The following ATP8B3 variants were observed in gnomAD, a reference collection of about 807,000 sequenced individuals.
ATP8B3 encodes the protein ATPase phospholipid transporting 8B3, also known as phospholipid-transporting ATPase IK.
ATP8B3 carries 141 observed loss-of-function variants against 140.9 expected under a neutral mutation model. That is an observed-to-expected ratio of 1.00 (90% CI 0.87 to 1.15). The LOEUF (loss-of-function observed/expected upper bound fraction) is 1.15, where lower values mean the gene tolerates loss of function less well. ATP8B3 is among the 50% of genes most tolerant of loss of function. The pLI is 0.00. For missense variants in ATP8B3, 1,874 were observed against 1,740.6 expected (o/e 1.08, Z -1.36); for synonymous variants, 765 against 714.6 (o/e 1.07, Z -1.13).
chr19:1,797,827 T>C (rs558686327), intron 14 of ATP8B3, among the ~76,000 whole-genome samples: 14 of 152,004 alleles, frequency 9.2e-5, no homozygotes, highest in African/African-American at 3.4e-4. Context: ...TTCTTAGAAA[T>C]GGGGTCCTAC....
chr19:1,784,976 C>A, intron 27 of ATP8B3, 30 bp from the exon 28 acceptor site: 2 of 1,588,524 alleles, frequency 1.3e-6, no homozygotes, highest in South Asian at 2.3e-5. Flanking sequence ...ACAGCAGAGC[C>A]TACCCCCAGC....
intron 3 of ATP8B3, 66 bp from the exon 4 acceptor site, chr19:1,809,800 C>G: frequency 6.9e-7 from 1 of 1,441,384 alleles, no homozygotes; most frequent in Non-Finnish European, 9.5e-7. Flanking sequence ...AATGACCGCC[C>G]GGAGGAGGGC....
rs1382058978 is a variant in ATP8B3, at chr19:1,807,471, G to A, written c.517-205C>T. On this transcript the variant is annotated intron_variant, in intron 5 of 28. Transcript: ENST00000310127. The surrounding 1 kb of genome is among the most constrained non-coding windows in gnomAD (Gnocchi z 5.9). ...CACCTGCCTGGAACTTCTCCCACAC[G>A]CCTCGTCTCCCCAGCAAACTCCCCT... Among the ~76,000 whole-genome samples, 1 of 151,960 alleles carries A rather than the reference G, an allele frequency of 6.6e-6. No individual in the cohort carries two copies. Among genetic ancestry groups the A allele is most frequent in the Non-Finnish European group, 1.5e-5 (1 of 67,986 alleles).
At chr19:1,788,580 G>A (rs1197072768) in intron 24 of ATP8B3, among the ~76,000 whole-genome samples, 4 of 152,182 alleles carry the variant, frequency 2.6e-5, no homozygotes, top group Non-Finnish European at 4.4e-5. Context: ...AACCCGGGAG[G>A]CGGAGGCTGC....
chr19:1,806,616 C>T lies in ATP8B3; in HGVS notation c.677+12G>A. On this transcript the variant is annotated intron_variant, in intron 7 of 28. Coordinates refer to ENST00000310127, the MANE Select transcript of ATP8B3 (RefSeq NM_138813.4). This position sits in a 1 kb window ranked among gnomAD's most constrained non-coding sequence, Gnocchi z 5.6. ...TGTCCCCGCGGATCCCCAGCTGCAG[C>T]CCCAGCCTCACCTCTTCCCCATCAG... 1.9e-6 allele frequency: 3 copies of T among 1,554,568 alleles called. No individual in the cohort carries two copies. Among genetic ancestry groups the T allele is most frequent in the Non-Finnish European group, 2.6e-6 (3 of 1,149,186 alleles).
chr19:1,800,291 G>A lies in ATP8B3; in HGVS notation c.1311C>T (p.Leu437=). The A allele has an allele frequency of 6.2e-7, 1 of 1,612,726 alleles. No individual in the cohort carries two copies. Among genetic ancestry groups the A allele is most frequent in the Non-Finnish European group, 8.5e-7 (1 of 1,179,814 alleles). ...ACATGGACATCGGGATGGTGACGCTGAGCAGGATGAGGAAGCTCCAGAAGA... is the reference window on the plus strand; with the variant it reads ...ACATGGACATCGGGATGGTGACGCTAAGCAGGATGAGGAAGCTCCAGAAGA... ...FFVFWSFLIL[L]SVTIPMSMFI... is the part of the protein sequence containing the mutation. Residue 437 remains leucine, a synonymous_variant, in exon 13 of 29, where the codon CTC becomes CTT. Coordinates refer to ENST00000310127, the MANE Select transcript of ATP8B3 (RefSeq NM_138813.4). The surrounding 1 kb of genome is among the most constrained non-coding windows in gnomAD (Gnocchi z 4.4).
Position 1,802,491 on chromosome 19 carries a change from A to G in ATP8B3, c.1059T>C (p.Tyr353=), listed in dbSNP as rs1433038856. 7.1e-7 allele frequency: 1 copy of G among 1,411,810 alleles called. No individual in the cohort carries two copies. The highest frequency in any genetic ancestry group is 1.7e-5 in the African/African-American group (1 of 58,426). The allele number at this position is 1,411,810 out of a possible 1,614,324, so 87.5% of individuals were successfully genotyped here. A position where few individuals can be genotyped will look rare whatever the true frequency, so the allele number is the denominator to read the frequency against. ...AGGACCCTGGAGCAGCCGTACCAGC[A>G]TAAATGACCAGTCCATAGCAGGTGT... ...NTDTCYGLVI[Y]AGFDTKIMKN... Residue 353 remains tyrosine, a synonymous_variant, in exon 11 of 29, where the codon TAT becomes TAC. Coordinates refer to ENST00000310127, the MANE Select transcript of ATP8B3 (RefSeq NM_138813.4).
chr19:1,809,030 C>T (rs557989339), intron 4 of ATP8B3, among the ~76,000 whole-genome samples: 7 of 151,388 alleles, frequency 4.6e-5, no homozygotes, highest in East Asian at 3.9e-4. Flanking sequence ...AAAAATTAGC[C>T]GGGCGTGGTT....
chr19:1,809,308 CTG>C (rs1157820355), intron 4 of ATP8B3, among the ~76,000 whole-genome samples: 6 of 151,794 alleles, frequency 4.0e-5, no homozygotes, highest in Non-Finnish European at 7.4e-5. Flanking sequence ...CATGGTGAAA[CTG>C]TCTCTACTAA....
intron 14 of ATP8B3, 126 bp downstream of exon 14, chr19:1,799,821 C>A: frequency 9.8e-7 from 1 of 1,022,122 alleles, no homozygotes; most frequent in South Asian, 1.4e-5. Context: ...CATCTGGCTA[C>A]GGTTCCCTGG....
intron 14 of ATP8B3, among the ~76,000 whole-genome samples, chr19:1,797,460 TTTTTTA>T: frequency 6.7e-6 from 1 of 149,054 alleles, no homozygotes; most frequent in Non-Finnish European, 1.5e-5. Context: ...GTTTTTGTTC[TTTTTTA>T]TTTTTATTTA....
At chr19:1,810,917 C>A (rs560036720) in intron 2 of ATP8B3, among the ~76,000 whole-genome samples, 24 of 152,214 alleles carry the variant, frequency 1.6e-4, no homozygotes, top group African/African-American at 5.8e-4. Flanking sequence ...AACAGCCCAT[C>A]TGCCAGTGTC....
At chr19:1,791,677 G>A in intron 20 of ATP8B3, 73 bp downstream of exon 20, 1 of 1,177,964 alleles carries the variant, frequency 8.5e-7, no homozygotes, top group Non-Finnish European at 1.2e-6. Context: ...ACAGGTGTGA[G>A]CCTTCAAACT....
Position 1,785,689 on chromosome 19 carries a change from C to A in ATP8B3, c.3173G>T (p.Ser1058Ile), listed in dbSNP as rs1229383661. The A allele has an allele frequency of 1.2e-6, 2 of 1,609,340 alleles. No homozygotes were observed. Among genetic ancestry groups the A allele is most frequent in the Non-Finnish European group, 8.5e-7 (1 of 1,178,264 alleles). Residue 1058 changes from serine (S) to isoleucine (I), a missense_variant, in exon 26 of 29, where the codon AGC becomes ATC. This residue lies in a region of ATP8B3 where 840 missense variants were observed against 760.9 expected (regional missense o/e 1.10). Transcript: ENST00000310127. Reference protein sequence around the residue: ...LFEQDVSAEQSLEKPELYVVG... With the variant: ...LFEQDVSAEQILEKPELYVVG... ...CACGTACAGCTCCGGCTTCTCCAGGCTCTGCTCTGCGCTCACGTCCTTGGG... is the reference window on the plus strand; with the variant it reads ...CACGTACAGCTCCGGCTTCTCCAGGATCTGCTCTGCGCTCACGTCCTTGGG...
rs2068800842 is a variant in ATP8B3 at position 1,800,210 on chromosome 19, G to A, written c.1343+49C>T. On this transcript the variant is annotated intron_variant, in intron 13 of 28. Coordinates refer to ENST00000310127, the MANE Select transcript of ATP8B3 (RefSeq NM_138813.4). The surrounding 1 kb of genome is among the most constrained non-coding windows in gnomAD (Gnocchi z 4.4). ...CCCGCCTGCTGTGTGCCATCCCCAT[G>A]CCTCCCCGTTCCGCGTTTGCACCGG... 6.3e-7 allele frequency: 1 copy of A among 1,595,922 alleles called. No individual in the cohort carries two copies. Among genetic ancestry groups the A allele is most frequent in the Admixed American group, 1.7e-5 (1 of 57,922 alleles).
At position 1,789,023 on chromosome 19, in the gene ATP8B3, G is replaced by A. The variant is rs1399458341; in HGVS notation, c.2943C>T (p.Leu981=). 6.2e-7 allele frequency: 1 copy of A among 1,609,602 alleles called. No homozygotes were observed. The highest frequency in any genetic ancestry group is 1.3e-5 in the African/African-American group (1 of 74,864). The change falls in exon 24 of 29, where the codon CTC becomes CTT. Residue 981 remains leucine (L), a synonymous_variant. Transcript: ENST00000310127. The part of the protein sequence containing the change: ...VLGQFCFLQR[L]LLVHGRWSYV... ...AGGACCAGCGGCCGTGCACCAGCAG[G>A]AGGCGCTGCAGGAAGCAGAACTGGC...
At chr19:1,787,826 G>C (rs888927231) in intron 24 of ATP8B3, among the ~76,000 whole-genome samples, 4 of 149,802 alleles carry the variant, frequency 2.7e-5, no homozygotes, top group African/African-American at 9.8e-5. Flanking sequence ...GGCAGATCAC[G>C]AGGTCAGGAG....
chr19:1,804,852 G>C (rs548433183), intron 10 of ATP8B3, among the ~76,000 whole-genome samples: 13 of 152,334 alleles, frequency 8.5e-5, no homozygotes, highest in African/African-American at 3.1e-4. Flanking sequence ...GGAGGTGTCA[G>C]CACTCTGTTC....
intron 4 of ATP8B3, among the ~76,000 whole-genome samples, chr19:1,808,854 C>T (rs556006697): frequency 4.9e-4 from 74 of 152,276 alleles, no homozygotes; most frequent in African/African-American, 1.7e-3. Flanking sequence ...TTGGTTAGGA[C>T]GGGCGGTTCG....
Sources: allele counts gnomAD v4.1 joint callset (sites outside exome capture counted in the v4.1 genomes callset), GRCh38; gene constraint gnomAD v4.1.1; regional missense constraint gnomAD v4.1.1; non-coding constraint Gnocchi (gnomAD v3.1); transcripts MANE v1.5; gene names NCBI Gene and HGNC (gene_info 2026-07-23, HGNC 2026-07-21).